The following ATRN variants were observed in gnomAD, a reference collection of about 807,000 sequenced individuals.
ATRN encodes the protein attractin, also known as attractin-2.
Under a neutral mutation model 178.7 loss-of-function variants are expected in ATRN, and 54 were observed. The ratio of observed to expected loss-of-function variants is 0.30; its 90% CI spans 0.24 to 0.38. The LOEUF (loss-of-function observed/expected upper bound fraction) is 0.38. ATRN is among the 10% of genes least tolerant of loss of function. The pLI is 1.00. For missense variants in ATRN, 1,443 were observed against 1,815.1 expected, an observed-to-expected ratio of 0.79 and a Z score of 3.73; for synonymous variants, 636 against 663.0, an observed-to-expected ratio of 0.96 and a Z score of 0.63.
At chr20:3,527,102 C>T (rs1010378318) in intron 1 of ATRN, among the ~76,000 whole-genome samples, 2 of 152,124 alleles carry the variant, frequency 1.3e-5, no homozygotes, top group African/African-American at 4.8e-5. Context: ...AACTAAAGAG[C>T]TTCTGCACAG....
At chr20:3,487,556 G>GCTGTTGTTA (rs1262182580) in intron 1 of ATRN, among the ~76,000 whole-genome samples, 1 of 152,124 alleles carries the variant, frequency 6.6e-6, no homozygotes, top group African/African-American at 2.4e-5. Context: ...AGGGTCTAAT[G>GCTGTTGTTA]CTGTTGTTAG....
intron 1 of ATRN, among the ~76,000 whole-genome samples, chr20:3,521,674 A>G (rs572768400): frequency 1.3e-5 from 2 of 152,352 alleles, no homozygotes; most frequent in South Asian, 2.1e-4. Flanking sequence ...AACATGATAC[A>G]TATCAACTGC....
intron 26 of ATRN, among the ~76,000 whole-genome samples, chr20:3,637,075 TACAGG>T (rs1381344517): frequency 1.2e-4 from 19 of 152,208 alleles, no homozygotes; most frequent in African/African-American, 4.6e-4. Context: ...ATGCACAGCC[TACAGG>T]AAAAAGATTA....
intron 1 of ATRN, among the ~76,000 whole-genome samples, chr20:3,496,954 G>A (rs1224333908): frequency 6.6e-6 from 1 of 151,506 alleles, no homozygotes; most frequent in African/African-American, 2.4e-5. Context: ...TTGGTTTAAA[G>A]TCTGTTTTAT....
chr20:3,571,572 T>G (rs932763557), intron 11 of ATRN, among the ~76,000 whole-genome samples: 4 of 151,928 alleles, frequency 2.6e-5, no homozygotes, highest in African/African-American at 9.7e-5. Flanking sequence ...TTTTTTTTTT[T>G]TTTTGCTAGT....
At position 3,576,752 on chromosome 20, in the gene ATRN, C is replaced by A; in HGVS notation, c.2215-107C>A. On this transcript the variant is annotated intron_variant, in intron 13 of 28. Transcript: ENST00000262919. The stretch of plus-strand genomic sequence containing the variant: ...ATCTATCTGTCTATCTATTTATTTG[C>A]AGTTTGCTTCCTCAATTAGATTTTG... 5 of 808,052 alleles carry A rather than the reference C, an allele frequency of 6.2e-6. No homozygotes were observed. In the South Asian group the frequency reaches 8.8e-5, roughly 14 times the overall value. The allele number at this position is 808,052 out of a possible 1,614,324, so 50.1% of individuals were successfully genotyped here.
intron 24 of ATRN, among the ~76,000 whole-genome samples, chr20:3,619,907 T>TGACACTTAAGC (rs1568769339): frequency 6.6e-6 from 1 of 152,200 alleles, no homozygotes; most frequent in South Asian, 2.1e-4. Flanking sequence ...GGACATAGAA[T>TGACACTTAAGC]GACACTTAAG....
chr20:3,525,070 A>G (rs2085346327), intron 1 of ATRN, among the ~76,000 whole-genome samples: 1 of 152,218 alleles, frequency 6.6e-6, no homozygotes, highest in Non-Finnish European at 1.5e-5. Context: ...GAACTAAAGG[A>G]GATAGAGACA....
chr20:3,564,851 G>A (rs1370442515), intron 10 of ATRN, among the ~76,000 whole-genome samples: 1 of 152,144 alleles, frequency 6.6e-6, no homozygotes, highest in Non-Finnish European at 1.5e-5. Flanking sequence ...AGATCACGAG[G>A]TCAGGAGATT....
chr20:3,505,522 T>C (rs1481040403), intron 1 of ATRN, among the ~76,000 whole-genome samples: 2 of 152,242 alleles, frequency 1.3e-5, no homozygotes, highest in Non-Finnish European at 2.9e-5. Flanking sequence ...CAATTTGTTC[T>C]GTTTTTCTGG....
intron 1 of ATRN, among the ~76,000 whole-genome samples, chr20:3,476,405 G>A (rs1238896229): frequency 1.3e-5 from 2 of 152,122 alleles, no homozygotes; most frequent in South Asian, 2.1e-4. Context: ...CTTTATGGAC[G>A]TTCTTTGAAG....
At chr20:3,491,463 C>G (rs1423676504) in intron 1 of ATRN, among the ~76,000 whole-genome samples, 1 of 152,036 alleles carries the variant, frequency 6.6e-6, no homozygotes, top group African/African-American at 2.4e-5. Context: ...TCTTTTTTGC[C>G]ATGCTTGACT....
chr20:3,604,435 G>C (rs961566375), intron 24 of ATRN, among the ~76,000 whole-genome samples, 173 bp downstream of exon 24: 11 of 152,250 alleles, frequency 7.2e-5, no homozygotes, highest in Non-Finnish European at 1.5e-4. Context: ...AGATTGGAGT[G>C]GGGATGGACT....
chr20:3,556,635 G>C (rs16988698), intron 6 of ATRN, among the ~76,000 whole-genome samples: 2,527 of 152,264 alleles, frequency 0.017, 77 homozygotes, highest in African/African-American at 0.057. Context: ...TTATTTGCTT[G>C]CTTAGGTCTT....
At chr20:3,639,175 C>G (rs1301590909) in intron 27 of ATRN, among the ~76,000 whole-genome samples, 1 of 152,134 alleles carries the variant, frequency 6.6e-6, no homozygotes, top group Admixed American at 6.5e-5. Flanking sequence ...AATGATTTGT[C>G]TGCTTTTCTT....
intron 3 of ATRN, 52 bp downstream of exon 3, chr20:3,540,387 C>T: frequency 1.7e-6 from 2 of 1,185,048 alleles, no homozygotes; most frequent in Non-Finnish European, 1.2e-6. Context: ...TAAATTTAAA[C>T]ATATCTTCTG....
chr20:3,624,614 G>GT, intron 25 of ATRN, 42 bp downstream of exon 25: 2 of 1,458,592 alleles, frequency 1.4e-6, no homozygotes, highest in Non-Finnish European at 1.9e-6. Flanking sequence ...TTTTGATTTA[G>GT]GCACTAGATC....
chr20:3,576,027 A>G, intron 13 of ATRN, 79 bp downstream of exon 13: 2 of 1,430,080 alleles, frequency 1.4e-6, no homozygotes, highest in Admixed American at 2.5e-5. Context: ...TATGGTATAA[A>G]TAATGGCCCA....
intron 1 of ATRN, among the ~76,000 whole-genome samples, chr20:3,487,558 T>A (rs2084712634): frequency 6.6e-6 from 1 of 152,198 alleles, no homozygotes; most frequent in Admixed American, 6.5e-5. Flanking sequence ...GGTCTAATGC[T>A]GTTGTTAGTT....
Sources: gnomAD v4.1 joint callset for allele counts (sites outside exome capture counted in the v4.1 genomes callset) on GRCh38, gnomAD v4.1.1 for gene constraint, MANE v1.5 for transcripts, NCBI Gene and HGNC (gene_info 2026-07-23, HGNC 2026-07-21) for gene names.